Variants in MROH1 observed in about 807,000 individuals in gnomAD.
The protein encoded by MROH1 is maestro heat-like repeat-containing protein family member 1.
MROH1 carries 117 observed loss-of-function variants against 116.5 expected under a neutral mutation model. The observed-to-expected ratio is 1.00, with a 90% CI of 0.86 to 1.17. The LOEUF (loss-of-function observed/expected upper bound fraction) is 1.17. MROH1 is among the 50% of genes most tolerant of loss of function. MROH1 has a pLI of 0.00. For synonymous variants in MROH1, 921 were observed against 583.9 expected, an observed-to-expected ratio of 1.58 and a Z score of -8.32; for missense variants, 1,873 against 1,338.5, an observed-to-expected ratio of 1.40 and a Z score of -6.23.
In MROH1 at chr8:144,249,141, G is replaced by A. The variant is rs928159932; in HGVS notation, c.3273+112G>A. 10 of 683,010 alleles carry A rather than the reference G, an allele frequency of 1.5e-5. No homozygotes were observed. In the East Asian group the frequency reaches 1.6e-4, roughly 11 times the overall value. The allele number at this position is 683,010 out of a possible 1,614,324, so 42.3% of individuals were successfully genotyped here. A position where few individuals can be genotyped will look rare whatever the true frequency, so the allele number is the denominator to read the frequency against. On this transcript the variant is annotated intron_variant, in intron 32 of 43. Transcript: ENST00000326134. The stretch of plus-strand genomic sequence containing the variant: ...CTCTTGGAGAGGTGGCACTGCGGGA[G>A]AAAACAGTGAGGCTGGCCCTGGCCT...
At chr8:144,149,794 C>T (rs988282519) in intron 1 of MROH1, among the ~76,000 whole-genome samples, 99 of 151,750 alleles carry the variant, frequency 6.5e-4, no homozygotes, top group African/African-American at 2.2e-3. Context: ...TGAGGGGCCA[C>T]CTGGTTTTGG....
At chr8:144,237,973 G>A (rs981117469) in intron 14 of MROH1, among the ~76,000 whole-genome samples, 1 of 152,106 alleles carries the variant, frequency 6.6e-6, no homozygotes, top group Admixed American at 6.5e-5. Flanking sequence ...TCTCCAGGTC[G>A]ATAGGTTTTC....
chr8:144,258,813 C>T lies in MROH1; in HGVS notation c.3828C>T (p.Arg1276=). The change falls in exon 36 of 44, where the codon CGC becomes CGT. Residue 1276 remains arginine, a synonymous_variant. Transcript: ENST00000326134. ...ACACCCTGCGGTCCATGCTACTCCG[C>T]AGCGGCAGCGAGGATGTGGTACAGC... The part of the protein sequence containing the change: ...AVDTLRSMLL[R]SGSEDVVQRM... The T allele has an allele frequency of 2.6e-6, 2 of 769,376 alleles. No homozygotes were observed. Among genetic ancestry groups the T allele is most frequent in the Admixed American group, 1.7e-5 (1 of 57,994 alleles). The allele number at this position is 769,376 out of a possible 1,614,324, so 47.7% of individuals were successfully genotyped here. A position where few individuals can be genotyped will look rare whatever the true frequency, so the allele number is the denominator to read the frequency against.
intron 12 of MROH1, among the ~76,000 whole-genome samples, chr8:144,218,203 G>A (rs1428604320): frequency 1.3e-5 from 2 of 152,166 alleles, no homozygotes; most frequent in African/African-American, 4.8e-5. Context: ...CCCTGCATAT[G>A]TCAGAGCTCC....
intron 4 of MROH1, among the ~76,000 whole-genome samples, chr8:144,170,886 G>C (rs1248944581): frequency 6.6e-6 from 1 of 152,264 alleles, no homozygotes; most frequent in Non-Finnish European, 1.5e-5. Flanking sequence ...CCATGGGGAG[G>C]GACGGGATTT....
chr8:144,261,831 C>G lies in MROH1; in HGVS notation c.*91C>G, dbSNP rs987820261. ...CCTCCTGAGGACCACAGCCTGGGCA[C>G]ACGACTGGAGGGGCCTGGCCCCAGA... On this transcript the variant is annotated 3_prime_UTR_variant, in exon 44 of 44. Coordinates refer to ENST00000326134, the MANE Select transcript of MROH1 (RefSeq NM_032450.3). 1 of 699,908 alleles carries G rather than the reference C, an allele frequency of 1.4e-6. No individual in the cohort carries two copies. The highest frequency in any genetic ancestry group is 2.6e-6 in the Non-Finnish European group (1 of 384,400). 43.4% of individuals were successfully genotyped at this position (699,908 alleles called of 1,614,324 possible). A position where few individuals can be genotyped will look rare whatever the true frequency, so the allele number is the denominator to read the frequency against.
chr8:144,216,910 A>C (rs1835390527), intron 12 of MROH1, among the ~76,000 whole-genome samples: 1 of 152,032 alleles, frequency 6.6e-6, no homozygotes, highest in Non-Finnish European at 1.5e-5. Context: ...GGCTGGTCTC[A>C]AACTCCTGAC....
intron 22 of MROH1, 128 bp from the exon 23 acceptor site, chr8:144,242,241 C>A: frequency 1.3e-6 from 1 of 769,116 alleles, no homozygotes; most frequent in South Asian, 1.4e-5. Context: ...GGCTGGGTCA[C>A]ACCTCTGCTG....
intron 1 of MROH1, among the ~76,000 whole-genome samples, chr8:144,158,987 C>G (rs1159568139): frequency 6.6e-6 from 1 of 152,116 alleles, no homozygotes; most frequent in Non-Finnish European, 1.5e-5. Flanking sequence ...ATTCAAACTG[C>G]CTCGTAGCCT....
At chr8:144,174,787 C>G in intron 4 of MROH1, 1 of 975,284 alleles carries the variant, frequency 1.0e-6, no homozygotes, top group South Asian at 4.7e-5. Flanking sequence ...CTGGCCCTAT[C>G]CATTTTTTGT....
rs371220366 is a variant in MROH1 at position 144,188,417 on chromosome 8, A to G, written c.563-2367A>G. Among the ~76,000 whole-genome samples, 7 of 142,736 alleles carry G rather than the reference A, an allele frequency of 4.9e-5. No individual in the cohort carries two copies. In the East Asian group the frequency reaches 1.3e-3, roughly 26 times the overall value. The allele number at this position is 142,736 out of a possible 152,430, so 93.6% of individuals were successfully genotyped here. A position where few individuals can be genotyped will look rare whatever the true frequency, so the allele number is the denominator to read the frequency against. On this transcript the variant is annotated intron_variant, in intron 7 of 43. Transcript: ENST00000326134. ...GTGCTTCAGCCCAGGGGGGCCTCAC[A>G]GCAGCCCTGGGTCAGGTGCTACCAC... is the stretch of plus-strand genomic sequence containing the variant.
chr8:144,245,662 C>G (rs1281424435), intron 29 of MROH1, among the ~76,000 whole-genome samples: 3 of 147,912 alleles, frequency 2.0e-5, no homozygotes, highest in African/African-American at 5.3e-5. Flanking sequence ...TTTCTTTTCT[C>G]TCTCTTTTTT....
At chr8:144,245,892 C>T (rs1461794610) in intron 29 of MROH1, among the ~76,000 whole-genome samples, 1 of 152,102 alleles carries the variant, frequency 6.6e-6, no homozygotes, top group Non-Finnish European at 1.5e-5. Context: ...AACTCTTGGG[C>T]TCAAGTGATC....
chr8:144,232,534 C>T (rs1170865108), intron 14 of MROH1, among the ~76,000 whole-genome samples: 1 of 151,270 alleles, frequency 6.6e-6, no homozygotes, highest in African/African-American at 2.4e-5. Context: ...TGCTCTGTCC[C>T]CCGGGCTGGA....
intron 3 of MROH1, among the ~76,000 whole-genome samples, chr8:144,166,117 G>A (rs1019116261): frequency 7.9e-5 from 12 of 152,056 alleles, no homozygotes; most frequent in Non-Finnish European, 1.8e-4. Flanking sequence ...GACCTCAGGG[G>A]ATCCACCCAC....
chr8:144,193,525 G>A (rs1427204047), intron 10 of MROH1, among the ~76,000 whole-genome samples: 4 of 152,210 alleles, frequency 2.6e-5, no homozygotes, highest in Non-Finnish European at 5.9e-5. Context: ...GTAACGATGA[G>A]CATAGACGTG....
In MROH1 at chr8:144,223,092, T is replaced by C. The variant is rs1317021900; in HGVS notation, c.1216-16T>C. The stretch of plus-strand genomic sequence containing the variant: ...TCTGCGTCCCCTTCCTGATCTCCCA[T>C]TTGTTCTCTGGGCAGGTGAAGCGGG... On this transcript the variant is annotated splice_polypyrimidine_tract_variant and intron_variant, in intron 13 of 43. Coordinates refer to ENST00000326134, the MANE Select transcript of MROH1 (RefSeq NM_032450.3). 2 of 1,613,020 alleles carry C rather than the reference T, an allele frequency of 1.2e-6. No individual in the cohort carries two copies. Among genetic ancestry groups the C allele is most frequent in the Non-Finnish European group, 1.7e-6 (2 of 1,179,556 alleles).
intron 1 of MROH1, among the ~76,000 whole-genome samples, chr8:144,157,132 A>AT (rs1818350390): frequency 6.6e-6 from 1 of 151,794 alleles, no homozygotes; most frequent in East Asian, 1.9e-4. Context: ...ATTTTTTTGT[A>AT]TTTTTAGTAG....
chr8:144,217,395 G>A lies in MROH1; in HGVS notation c.1142-3205G>A, dbSNP rs147678397. ...AATTTTGTGTTTGGACTTGGATTCC[G>A]TTTCCAGGAACTCTCATTATGTATA... On this transcript the variant is annotated intron_variant, in intron 12 of 43. Coordinates refer to ENST00000326134, the MANE Select transcript of MROH1 (RefSeq NM_032450.3). Among the ~76,000 whole-genome samples, 11 of 152,244 alleles carry A rather than the reference G, an allele frequency of 7.2e-5. No individual in the cohort carries two copies. In the East Asian group the frequency reaches 9.6e-4, roughly 13 times the overall value.
Sources: gnomAD v4.1 joint callset for allele counts (sites outside exome capture counted in the v4.1 genomes callset) on GRCh38, gnomAD v4.1.1 for gene constraint, MANE v1.5 for transcripts, NCBI Gene and HGNC (gene_info 2026-07-23, HGNC 2026-07-21) for gene names.